Variants in BMPER observed in about 807,000 individuals in gnomAD.
BMPER encodes the protein BMP binding endothelial regulator.
Under a neutral mutation model 87.3 loss-of-function variants are expected in BMPER, and 45 were observed. The ratio of observed to expected loss-of-function variants is 0.52; its 90% CI spans 0.41 to 0.66. The LOEUF is 0.66. Among genes scored for constraint, BMPER ranks in the 30% least tolerant of loss-of-function variants. The probability of loss-of-function intolerance (pLI) is 0.00; values close to 1 mark genes in which losing one functional copy is unlikely to be tolerated. For missense variants in BMPER, 784 were observed against 867.5 expected (o/e 0.90, Z 1.21); for synonymous variants, 326 against 316.2 (o/e 1.03, Z -0.33).
At chr7:34,109,311 T>G (rs757636624) in intron 13 of BMPER, among the ~76,000 whole-genome samples, 65 of 152,184 alleles carry the variant, frequency 4.3e-4, no homozygotes, top group Non-Finnish European at 8.4e-4. Context: ...GAGGGTCAGC[T>G]TTTTTGTCTT....
At chr7:34,056,912 G>A (rs1049473221) in intron 9 of BMPER, among the ~76,000 whole-genome samples, 10 of 152,146 alleles carry the variant, frequency 6.6e-5, no homozygotes, top group Non-Finnish European at 1.3e-4. Context: ...CACCGCGCCC[G>A]GCTGCAATAC....
chr7:33,939,758 C>A (rs1784707241), intron 3 of BMPER, among the ~76,000 whole-genome samples: 1 of 152,278 alleles, frequency 6.6e-6, no homozygotes, highest in Middle Eastern at 3.4e-3. Context: ...ATGATTGTAA[C>A]TTTCCTGAGG....
chr7:34,000,873 A>G lies in BMPER; in HGVS notation c.576+26089A>G, dbSNP rs981426234. On this transcript the variant is annotated intron_variant, in intron 6 of 14. Coordinates refer to ENST00000649409, the MANE Select transcript of BMPER (RefSeq NM_001365308.1). ...TGTCAAGAAAGTTCCTCTTATTTTTAGTTAGTTGAGTATTTTGAACATGAA... is the reference window on the plus strand; with the variant it reads ...TGTCAAGAAAGTTCCTCTTATTTTTGGTTAGTTGAGTATTTTGAACATGAA... Among the ~76,000 whole-genome samples, 7 of 151,924 alleles carry G rather than the reference A, an allele frequency of 4.6e-5. 1 individual carries two copies. The highest frequency in any genetic ancestry group is 8.8e-5 in the Non-Finnish European group (6 of 67,906).
chr7:34,056,416 A>G (rs996331147), intron 9 of BMPER, among the ~76,000 whole-genome samples: 2 of 152,162 alleles, frequency 1.3e-5, no homozygotes, highest in African/African-American at 4.8e-5. Context: ...AAAAATTAAA[A>G]AAGAGAAAAC....
At chr7:34,131,253 A>G (rs1790580724) in intron 13 of BMPER, among the ~76,000 whole-genome samples, 1 of 151,948 alleles carries the variant, frequency 6.6e-6, no homozygotes, top group African/African-American at 2.4e-5. Context: ...GACGGGTAGC[A>G]CCCTGTTTAG....
chr7:33,947,779 C>T (rs1239899806), intron 3 of BMPER, among the ~76,000 whole-genome samples: 1 of 151,812 alleles, frequency 6.6e-6, no homozygotes, highest in East Asian at 1.9e-4. Context: ...TTATAGGTTG[C>T]CTTTTGTATA....
At chr7:34,126,495 C>T (rs2127990500) in intron 13 of BMPER, among the ~76,000 whole-genome samples, 1 of 152,276 alleles carries the variant, frequency 6.6e-6, no homozygotes, top group East Asian at 1.9e-4. Context: ...TTCTGTTCCC[C>T]TACACATTAT....
intron 6 of BMPER, among the ~76,000 whole-genome samples, chr7:34,040,126 G>A (rs910445003): frequency 6.6e-6 from 1 of 152,108 alleles, no homozygotes; most frequent in Admixed American, 6.6e-5. Flanking sequence ...AGGAGGGAGT[G>A]CCAGCTGGCT....
chr7:33,945,980 A>G (rs1784884227), intron 3 of BMPER, among the ~76,000 whole-genome samples: 2 of 152,114 alleles, frequency 1.3e-5, no homozygotes, highest in Admixed American at 6.5e-5. Flanking sequence ...GGCATGCCTG[A>G]GTGCAGGGGG....
intron 11 of BMPER, among the ~76,000 whole-genome samples, chr7:34,065,216 C>G (rs1788549866): frequency 7.0e-6 from 1 of 142,846 alleles, no homozygotes; most frequent in Non-Finnish European, 1.5e-5. Context: ...CTCTCTCTCT[C>G]TCTCTCTCTC....
chr7:34,094,130 C>G (rs1562739514), intron 13 of BMPER, among the ~76,000 whole-genome samples: 1 of 152,198 alleles, frequency 6.6e-6, no homozygotes, highest in African/African-American at 2.4e-5. Context: ...ATATCCTGTT[C>G]TGCCATGAGC....
intron 6 of BMPER, among the ~76,000 whole-genome samples, chr7:34,004,692 A>G (rs932896638): frequency 3.3e-5 from 5 of 152,114 alleles, no homozygotes; most frequent in Non-Finnish European, 4.4e-5. Context: ...ATGGTCAGCT[A>G]TTGACTGGAT....
At chr7:34,049,246 T>TCATAATA (rs1788075794) in intron 7 of BMPER, among the ~76,000 whole-genome samples, 1 of 152,200 alleles carries the variant, frequency 6.6e-6, no homozygotes, top group African/African-American at 2.4e-5. Context: ...CCTCTAATAA[T>TCATAATA]CATAATACAT....
intron 6 of BMPER, among the ~76,000 whole-genome samples, chr7:34,022,889 A>G (rs989242418): frequency 1.3e-5 from 2 of 151,954 alleles, no homozygotes; most frequent in Non-Finnish European, 2.9e-5. Flanking sequence ...TCCTGTTGGA[A>G]GTAAAAAGTG....
chr7:34,134,806 G>T (rs1250767202), intron 13 of BMPER, among the ~76,000 whole-genome samples: 1 of 152,126 alleles, frequency 6.6e-6, no homozygotes, highest in African/African-American at 2.4e-5. Flanking sequence ...TTCCATACAT[G>T]CGTGATAGCT....
intron 3 of BMPER, among the ~76,000 whole-genome samples, chr7:33,942,920 T>C (rs1784803191): frequency 1.3e-5 from 2 of 152,298 alleles, no homozygotes; most frequent in African/African-American, 2.4e-5. Context: ...ATTCCAGTTA[T>C]TCGATTGTGT....
intron 2 of BMPER, among the ~76,000 whole-genome samples, chr7:33,918,218 A>G (rs1048984162): frequency 2.6e-5 from 4 of 152,180 alleles, no homozygotes; most frequent in African/African-American, 7.2e-5. Context: ...AGGCATGTCT[A>G]TGGACTGTAG....
At chr7:33,994,254 G>C (rs1008641615) in intron 6 of BMPER, among the ~76,000 whole-genome samples, 2 of 152,216 alleles carry the variant, frequency 1.3e-5, no homozygotes, top group Non-Finnish European at 2.9e-5. Context: ...TCAGACTGCT[G>C]TGCTAGCAAT....
chr7:34,121,647 A>C (rs1482946062), intron 13 of BMPER, among the ~76,000 whole-genome samples: 1 of 152,188 alleles, frequency 6.6e-6, no homozygotes, highest in Non-Finnish European at 1.5e-5. Context: ...ATATAAATCT[A>C]CTGTTATTAT....
Sources: gnomAD v4.1 joint callset for allele counts (sites outside exome capture counted in the v4.1 genomes callset) on GRCh38, gnomAD v4.1.1 for gene constraint, MANE v1.5 for transcripts, NCBI Gene and HGNC (gene_info 2026-07-23, HGNC 2026-07-21) for gene names.